Variants in FRMD4A observed in about 807,000 individuals in gnomAD.
FRMD4A encodes the protein FERM domain-containing protein 4A.
A neutral mutation model predicts 129.1 loss-of-function variants in FRMD4A; 29 were observed. That is an observed-to-expected ratio of 0.22 (90% CI 0.17 to 0.31). FRMD4A has a LOEUF of 0.31. FRMD4A is among the 10% of genes least tolerant of loss of function. The pLI is 1.00. For missense variants in FRMD4A, 1,272 were observed against 1,375.8 expected (o/e 0.92, Z 1.19); for synonymous variants, 634 against 571.6 (o/e 1.11, Z -1.56).
chr10:14,039,318 T>C (rs1429054868), intron 2 of FRMD4A, among the ~76,000 whole-genome samples: 2 of 152,164 alleles, frequency 1.3e-5, no homozygotes, highest in African/African-American at 4.8e-5. Flanking sequence ...TTTGCATTTC[T>C]AATTGCTAAG....
At chr10:13,753,289 T>A (rs775198636) in intron 8 of FRMD4A, among the ~76,000 whole-genome samples, 7 of 152,206 alleles carry the variant, frequency 4.6e-5, no homozygotes, top group South Asian at 2.1e-4. Flanking sequence ...ACATGCTTTT[T>A]TCCCCAGGTG....
intron 2 of FRMD4A, among the ~76,000 whole-genome samples, chr10:14,076,005 G>A (rs904872673): frequency 2.4e-4 from 37 of 152,288 alleles, no homozygotes; most frequent in Admixed American, 7.2e-4. Context: ...CAGGAGGATG[G>A]AACATTGACC....
At chr10:13,679,911 G>A (rs1223673030) in intron 15 of FRMD4A, among the ~76,000 whole-genome samples, 2 of 152,138 alleles carry the variant, frequency 1.3e-5, no homozygotes, top group South Asian at 2.1e-4. Flanking sequence ...CTCAAAGGGC[G>A]TCAGGAGAGG....
intron 2 of FRMD4A, chr10:13,890,506 G>A (rs1273225195): frequency 1.0e-6 from 1 of 973,994 alleles, no homozygotes; most frequent in Non-Finnish European, 1.2e-6. Context: ...GGGGGTACCA[G>A]CAGCTGAACC....
At chr10:13,691,530 G>C (rs998650737) in intron 15 of FRMD4A, among the ~76,000 whole-genome samples, 7 of 152,164 alleles carry the variant, frequency 4.6e-5, no homozygotes, top group Admixed American at 2.0e-4. Context: ...AGCAACAAGA[G>C]AGTCTCCCCA....
Position 13,889,796 on chromosome 10 carries a change from C to A in FRMD4A, c.46-30884G>T, listed in dbSNP as rs150841889. ...CTCCCTAAAACATTACTTCTACCCA[C>A]ACAACTTCATACACCAGTCATTACT... On this transcript the variant is annotated intron_variant, in intron 2 of 24. Transcript: ENST00000357447. 2.8e-3 allele frequency among the ~76,000 whole-genome samples: 422 copies of A among 152,322 alleles called. 4 individuals carry two copies. Among genetic ancestry groups the A allele is most frequent in the African/African-American group, 9.8e-3 (406 of 41,562 alleles).
chr10:13,846,632 CAG>C (rs1399134033), intron 3 of FRMD4A, among the ~76,000 whole-genome samples: 2 of 152,244 alleles, frequency 1.3e-5, no homozygotes, highest in African/African-American at 4.8e-5. Flanking sequence ...CTCCGCTGGG[CAG>C]AGTGTGGTGA....
At chr10:14,026,523 G>A (rs1454483043) in intron 2 of FRMD4A, among the ~76,000 whole-genome samples, 6 of 152,174 alleles carry the variant, frequency 3.9e-5, no homozygotes, top group African/African-American at 1.2e-4. Flanking sequence ...CACAGCAGGT[G>A]TCTCTTGTTA....
chr10:13,699,411 G>A (rs1467299086), intron 14 of FRMD4A, among the ~76,000 whole-genome samples: 3 of 151,996 alleles, frequency 2.0e-5, no homozygotes, highest in Non-Finnish European at 4.4e-5. Flanking sequence ...TGCTGTGTCA[G>A]TGAGTTGACC....
chr10:13,654,165 C>A (rs2081932286), intron 23 of FRMD4A: 2 of 560,606 alleles, frequency 3.6e-6, no homozygotes, highest in South Asian at 4.9e-5. Context: ...TTCGTGCTTC[C>A]ATCTCCCCAC....
intron 3 of FRMD4A, among the ~76,000 whole-genome samples, chr10:13,841,429 C>T (rs1420927772): frequency 6.6e-6 from 1 of 152,194 alleles, no homozygotes; most frequent in East Asian, 1.9e-4. Flanking sequence ...AGCAGAAAGA[C>T]CAAACATGTG....
intron 6 of FRMD4A, among the ~76,000 whole-genome samples, chr10:13,765,575 G>C (rs1388407894): frequency 6.6e-6 from 1 of 152,128 alleles, no homozygotes; most frequent in Non-Finnish European, 1.5e-5. Flanking sequence ...ATTTGCCCTG[G>C]AACCACCTTA....
At chr10:13,791,361 T>C (rs1158647370) in intron 5 of FRMD4A, among the ~76,000 whole-genome samples, 1 of 151,874 alleles carries the variant, frequency 6.6e-6, no homozygotes, top group African/African-American at 2.4e-5. Flanking sequence ...TGCATGAACA[T>C]TTTCCTGAAC....
At chr10:14,245,704 C>A (rs1176804721) in intron 2 of FRMD4A, among the ~76,000 whole-genome samples, 2 of 152,062 alleles carry the variant, frequency 1.3e-5, no homozygotes, top group Admixed American at 1.3e-4. Context: ...CATGTGAAGA[C>A]CCAGGGAGAA....
At chr10:14,051,047 G>A (rs1035268097) in intron 2 of FRMD4A, among the ~76,000 whole-genome samples, 3 of 152,202 alleles carry the variant, frequency 2.0e-5, no homozygotes, top group Non-Finnish European at 4.4e-5. Context: ...TTACTTGGGG[G>A]ATCTGACACT....
chr10:14,273,471 T>C (rs1196093701), intron 2 of FRMD4A, among the ~76,000 whole-genome samples: 1 of 152,198 alleles, frequency 6.6e-6, no homozygotes, highest in Non-Finnish European at 1.5e-5. Context: ...AAATGAAATA[T>C]TAAAATTAGT....
intron 19 of FRMD4A, among the ~76,000 whole-genome samples, chr10:13,660,891 G>A (rs921520235): frequency 6.6e-6 from 1 of 152,180 alleles, no homozygotes; most frequent in African/African-American, 2.4e-5. Context: ...AGTTACTGCT[G>A]TAGTGCTAAG....
intron 3 of FRMD4A, among the ~76,000 whole-genome samples, chr10:13,833,356 C>A (rs1392668376): frequency 1.3e-5 from 2 of 152,180 alleles, no homozygotes; most frequent in Non-Finnish European, 2.9e-5. Context: ...GATTTACTTA[C>A]TACCATGAGA....
chr10:13,670,573 G>A, intron 16 of FRMD4A, 45 bp from the exon 17 acceptor site: 1 of 1,601,216 alleles, frequency 6.2e-7, no homozygotes, highest in Non-Finnish European at 8.5e-7. Flanking sequence ...AATCAGAGTG[G>A]GGCGTGTCTG....
Sources: gnomAD v4.1 joint callset for allele counts (sites outside exome capture counted in the v4.1 genomes callset) on GRCh38, gnomAD v4.1.1 for gene constraint, MANE v1.5 for transcripts, NCBI Gene and HGNC (gene_info 2026-07-23, HGNC 2026-07-21) for gene names.